Variants in EXOC4 observed in about 807,000 individuals in gnomAD.
EXOC4 encodes exocyst complex component 4, also known as SEC8-like 1.
Under a neutral mutation model 107.2 loss-of-function variants are expected in EXOC4, and 71 were observed. That is an observed-to-expected ratio of 0.66 (90% CI 0.55 to 0.81). EXOC4 has a LOEUF of 0.81. Ranked by LOEUF, EXOC4 falls within the 30% of genes least tolerant of loss-of-function variation. The probability of loss-of-function intolerance (pLI) is 0.00; values close to 1 mark genes in which losing one functional copy is unlikely to be tolerated. For synonymous variants in EXOC4, 456 were observed against 441.2 expected, an observed-to-expected ratio of 1.03 and a Z score of -0.42; for missense variants, 1,108 against 1,189.6, an observed-to-expected ratio of 0.93 and a Z score of 1.01.
At chr7:133,825,496 A>G (rs1315547506) in intron 11 of EXOC4, among the ~76,000 whole-genome samples, 1 of 152,172 alleles carries the variant, frequency 6.6e-6, no homozygotes, top group East Asian at 1.9e-4. Flanking sequence ...CTCTTACTGA[A>G]AGTTGGTGGA....
the EXOC4 span, among the ~76,000 whole-genome samples, chr7:134,099,032 G>A: frequency 6.6e-6 from 1 of 152,056 alleles, no homozygotes; most frequent in Non-Finnish European, 1.5e-5. Context: ...CCTAAAGGAT[G>A]GTGTTATGAG....
intron 9 of EXOC4, among the ~76,000 whole-genome samples, chr7:133,573,925 A>C (rs981785279): frequency 6.6e-6 from 1 of 152,178 alleles, no homozygotes; most frequent in Non-Finnish European, 1.5e-5. Flanking sequence ...ATGTATTTCT[A>C]CTGTGTAGAG....
chr7:133,556,681 T>C (rs1159960742), intron 9 of EXOC4, among the ~76,000 whole-genome samples: 1 of 152,130 alleles, frequency 6.6e-6, no homozygotes, highest in Non-Finnish European at 1.5e-5. Context: ...ATTAACCACT[T>C]TGGGAAGAAT....
intron 17 of EXOC4, among the ~76,000 whole-genome samples, chr7:134,026,545 C>T (rs76671938): frequency 0.01 from 1,562 of 150,502 alleles, 8 homozygotes; most frequent in Non-Finnish European, 0.016. Context: ...TAAACAAAAA[C>T]GAGATAATCC....
chr7:133,649,435 A>G (rs1803075964), intron 10 of EXOC4, among the ~76,000 whole-genome samples: 1 of 145,780 alleles, frequency 6.9e-6, no homozygotes, highest in Non-Finnish European at 1.5e-5. Context: ...ATTCTGCCAG[A>G]CCCTACTGTG....
At chr7:133,894,074 C>T (rs1474099792) in intron 11 of EXOC4, among the ~76,000 whole-genome samples, 3 of 91,158 alleles carry the variant, frequency 3.3e-5, no homozygotes, top group African/African-American at 9.1e-5. Context: ...ACCAATCAGA[C>T]GTAGATTTGG....
chr7:133,787,796 C>T, intron 10 of EXOC4, among the ~76,000 whole-genome samples: 1 of 150,714 alleles, frequency 6.6e-6, no homozygotes, highest in East Asian at 2.0e-4. Context: ...CTCCCAGATA[C>T]CCCACCTCCG....
Position 133,669,004 on chromosome 7 carries a change from A to ATTT in EXOC4, c.1514+38879_1514+38881dup, listed in dbSNP as rs58354607. Among the ~76,000 whole-genome samples the ATTT allele has an allele frequency of 1.1e-4, 13 of 118,448 alleles. 3 individuals carry two copies. Among genetic ancestry groups the ATTT allele is most frequent in the Non-Finnish European group, 1.4e-4 (8 of 58,616 alleles). 77.7% of individuals were successfully genotyped at this position (118,448 alleles called of 152,430 possible). A position where few individuals can be genotyped will look rare whatever the true frequency, so the allele number is the denominator to read the frequency against. On this transcript the variant is annotated intron_variant, in intron 10 of 17. Coordinates refer to ENST00000253861, the MANE Select transcript of EXOC4 (RefSeq NM_021807.4). ...TATGCACAATAGAATTGTTCTCCCA[A>ATTT]TTTTTTTTTTTTTTTTTTGCCTGTC...
chr7:133,664,853 G>T (rs1339800719), intron 10 of EXOC4, among the ~76,000 whole-genome samples: 1 of 151,454 alleles, frequency 6.6e-6, no homozygotes, highest in Non-Finnish European at 1.5e-5. Context: ...TAATGAAGAA[G>T]GAAAAAAAAA....
At chr7:134,000,426 T>C in intron 15 of EXOC4, among the ~76,000 whole-genome samples, 1 of 152,164 alleles carries the variant, frequency 6.6e-6, no homozygotes, top group East Asian at 1.9e-4. Context: ...GGCTTGTTCA[T>C]TGTGATGGCT....
At chr7:133,290,207 G>T (rs1378943846) in intron 3 of EXOC4, among the ~76,000 whole-genome samples, 1 of 152,140 alleles carries the variant, frequency 6.6e-6, no homozygotes, top group Non-Finnish European at 1.5e-5. Context: ...ATTAATAATG[G>T]TTGGCCCTTG....
intron 12 of EXOC4, among the ~76,000 whole-genome samples, chr7:133,911,977 T>A (rs1799706390): frequency 6.6e-6 from 1 of 152,188 alleles, no homozygotes; most frequent in South Asian, 2.1e-4. Context: ...GCCAAGATTC[T>A]TTCTAGATAT....
At chr7:133,896,157 A>G (rs1204571753) in intron 12 of EXOC4, among the ~76,000 whole-genome samples, 1 of 152,212 alleles carries the variant, frequency 6.6e-6, no homozygotes, top group African/African-American at 2.4e-5. Flanking sequence ...TTTAATTTGT[A>G]GCATTCCTAC....
At chr7:134,053,488 T>C (rs1414180466) in intron 17 of EXOC4, among the ~76,000 whole-genome samples, 1 of 151,776 alleles carries the variant, frequency 6.6e-6, no homozygotes. Flanking sequence ...GAATTGGGTT[T>C]AAATCCCAGG....
chr7:133,748,947 C>T (rs1795733441), intron 10 of EXOC4, among the ~76,000 whole-genome samples: 1 of 152,174 alleles, frequency 6.6e-6, no homozygotes, highest in Non-Finnish European at 1.5e-5. Context: ...TACTCCAAGG[C>T]CAACCTTGCA....
At chr7:133,515,921 G>A (rs1267516597) in intron 9 of EXOC4, among the ~76,000 whole-genome samples, 2 of 152,140 alleles carry the variant, frequency 1.3e-5, no homozygotes, top group Non-Finnish European at 2.9e-5. Flanking sequence ...GTATTGAAGA[G>A]CTTTATTGTA....
chr7:133,827,252 G>T (rs921845486), intron 11 of EXOC4, among the ~76,000 whole-genome samples: 4 of 152,130 alleles, frequency 2.6e-5, no homozygotes, highest in Non-Finnish European at 5.9e-5. Context: ...GCTGTGAGTT[G>T]AGCCACTGAG....
chr7:133,854,898 T>C (rs1798315617), intron 11 of EXOC4, among the ~76,000 whole-genome samples: 1 of 149,796 alleles, frequency 6.7e-6, no homozygotes, highest in South Asian at 2.1e-4. Context: ...TTGTGCAGTA[T>C]ATCATCCCTA....
At chr7:133,754,043 G>C (rs1003058889) in intron 10 of EXOC4, among the ~76,000 whole-genome samples, 6 of 152,168 alleles carry the variant, frequency 3.9e-5, no homozygotes, top group African/African-American at 1.4e-4. Flanking sequence ...AGGATGTTTT[G>C]AATGGGGGCA....
Sources: allele counts gnomAD v4.1 joint callset (sites outside exome capture counted in the v4.1 genomes callset), GRCh38; gene constraint gnomAD v4.1.1; transcripts MANE v1.5; gene names NCBI Gene and HGNC (gene_info 2026-07-23, HGNC 2026-07-21).